Variants in FBL observed in about 807,000 individuals in gnomAD.
The protein encoded by FBL is rRNA 2'-O-methyltransferase fibrillarin.
Under a neutral mutation model 42.2 loss-of-function variants are expected in FBL, and 10 were observed. The observed-to-expected ratio is 0.24, with a 90% confidence interval of 0.15 to 0.40. The LOEUF (loss-of-function observed/expected upper bound fraction) is 0.40, where lower values mean the gene tolerates loss of function less well. Among genes scored for constraint, FBL ranks in the 10% least tolerant of loss-of-function variants. FBL has a pLI of 1.00. For synonymous variants in FBL, 165 were observed against 165.4 expected (o/e 1.00, Z 0.02); for missense variants, 351 against 439.2 (o/e 0.80, Z 1.79).
Position 39,839,158 on chromosome 19 carries a change from G to A in FBL, c.426C>T (p.Ser142=), listed in dbSNP as rs1294075582. The part of the protein sequence containing the change: ...IEYRAWNPFR[S]KLAAAILGGV... ...CACCCAGGATTGCTGCTGCTAGCTTGGAGCGGAAGGGGTTCCAGGCTCGGT... is the reference window on the plus strand; with the variant it reads ...CACCCAGGATTGCTGCTGCTAGCTTAGAGCGGAAGGGGTTCCAGGCTCGGT... Residue 142 remains serine (S), a synonymous_variant, in exon 5 of 9, where the codon TCC becomes TCT. Coordinates refer to ENST00000221801, the MANE Select transcript of FBL (RefSeq NM_001436.4). The A allele has an allele frequency of 6.2e-7, 1 of 1,613,888 alleles. No homozygotes were observed. The highest frequency in any genetic ancestry group is 1.1e-5 in the South Asian group (1 of 91,064).
intron 5 of FBL, 156 bp from the exon 6 acceptor site, chr19:39,837,999 A>C: frequency 1.7e-6 from 1 of 594,940 alleles, no homozygotes; most frequent in Non-Finnish European, 2.8e-6. Flanking sequence ...TTTCACATGA[A>C]TAAACTGAGG....
chr19:39,842,218 T>C (rs1443498833), intron 1 of FBL, among the ~76,000 whole-genome samples: 2 of 152,100 alleles, frequency 1.3e-5, no homozygotes, highest in Non-Finnish European at 2.9e-5. Flanking sequence ...CCCCAGTAGC[T>C]GGGACTACAG....
Position 39,836,602 on chromosome 19 carries a change from G to T in FBL, c.749C>A (p.Ala250Asp), listed in dbSNP as rs1406793758. The change falls in exon 7 of 9, where the codon GCC (alanine) becomes GAC (aspartate). Residue 250 changes from alanine (A) to aspartate (D), a missense_variant. Coordinates refer to ENST00000221801, the MANE Select transcript of FBL (RefSeq NM_001436.4). ...PDQTRIVALN[A>D]HTFLRNGGHF... ...TCCTCCATTACGCAGGAAGGTGTGG[G>T]CATTCAGGGCCACAATCCGGGTCTG... 2 of 1,613,936 alleles carry T rather than the reference G, an allele frequency of 1.2e-6. No homozygotes were observed. Among genetic ancestry groups the T allele is most frequent in the African/African-American group, 2.7e-5 (2 of 74,910 alleles).
chr19:39,834,535 A>G lies in FBL; in HGVS notation c.*3T>C, dbSNP rs200344075. On this transcript the variant is annotated 3_prime_UTR_variant, in exon 9 of 9. Transcript: ENST00000221801. The stretch of plus-strand genomic sequence containing the variant: ...TCTCTCGCAATCCTGACAGCGCTGA[A>G]CTTCAGTTCTTCACCTTGGGGGGTG... 6.2e-7 allele frequency: 1 copy of G among 1,614,128 alleles called. No homozygotes were observed. Among genetic ancestry groups the G allele is most frequent in the Non-Finnish European group, 8.5e-7 (1 of 1,180,008 alleles).
intron 5 of FBL, 89 bp downstream of exon 5, chr19:39,838,946 C>T (rs1230513860): frequency 1.2e-5 from 15 of 1,211,448 alleles, no homozygotes; most frequent in Middle Eastern, 2.0e-4. Context: ...AGTCACACAG[C>T]GCAGGCAAGC....
At chr19:39,836,074 TA>T (rs774083354) in intron 7 of FBL, among the ~76,000 whole-genome samples, 38 of 152,300 alleles carry the variant, frequency 2.5e-4, no homozygotes, top group Non-Finnish European at 4.3e-4. Context: ...ATAATAGTAA[TA>T]ATGCAGTTGA....
chr19:39,846,352 G>T lies in FBL; in HGVS notation c.-52C>A. 6.2e-7 allele frequency: 1 copy of T among 1,608,792 alleles called. No homozygotes were observed. Among genetic ancestry groups the T allele is most frequent in the Non-Finnish European group, 8.5e-7 (1 of 1,177,568 alleles). On this transcript the variant is annotated 5_prime_UTR_variant, in exon 1 of 9. Transcript: ENST00000221801. ...GAGTCCGCGGCGTTCACAACTCCAC[G>T]AGTCCGGGGCTTTCGCACGTGGAAA... is the stretch of plus-strand genomic sequence containing the variant.
chr19:39,837,633 A>T (rs1969075350), intron 6 of FBL, 78 bp downstream of exon 6: 5 of 1,332,448 alleles, frequency 3.8e-6, no homozygotes, highest in Non-Finnish European at 5.1e-6. Flanking sequence ...CTCCATCCGA[A>T]TCAGAGATCC....
At chr19:39,834,964 T>C in intron 7 of FBL, 151 bp from the exon 8 acceptor site, 3 of 813,902 alleles carry the variant, frequency 3.7e-6, no homozygotes, top group Non-Finnish European at 5.7e-6. Flanking sequence ...GTTGGAAACG[T>C]AACCCTTAAA....
At chr19:39,836,967 C>T (rs1217487064) in intron 6 of FBL, among the ~76,000 whole-genome samples, 1 of 152,216 alleles carries the variant, frequency 6.6e-6, no homozygotes, top group Non-Finnish European at 1.5e-5. Flanking sequence ...TCGAGACGCT[C>T]CCAGGTCTGG....
At chr19:39,838,974 C>T (rs778811202) in intron 5 of FBL, 61 bp downstream of exon 5, 11 of 1,476,890 alleles carry the variant, frequency 7.4e-6, no homozygotes, top group Admixed American at 1.9e-5. Flanking sequence ...CCCTGATATT[C>T]CAGGTTGGCA....
chr19:39,839,316 A>G (rs1036472477), intron 4 of FBL, 111 bp from the exon 5 acceptor site: 1 of 818,246 alleles, frequency 1.2e-6, no homozygotes, highest in African/African-American at 1.7e-5. Context: ...CTGCACAAGA[A>G]CTCAACATGA....
intron 1 of FBL, among the ~76,000 whole-genome samples, chr19:39,842,394 G>A (rs1969179148): frequency 6.6e-6 from 1 of 152,134 alleles, no homozygotes; most frequent in South Asian, 2.1e-4. Flanking sequence ...CCTTGCTCAT[G>A]TTTTTTGTAA....
intron 1 of FBL, among the ~76,000 whole-genome samples, chr19:39,842,031 A>G (rs1310411517): frequency 6.6e-6 from 1 of 152,148 alleles, no homozygotes; most frequent in Non-Finnish European, 1.5e-5. Flanking sequence ...TTGGAAAACT[A>G]GTGGTTTAAA....
chr19:39,842,224 T>C (rs1194217916), intron 1 of FBL, among the ~76,000 whole-genome samples: 2 of 152,124 alleles, frequency 1.3e-5, no homozygotes, highest in Non-Finnish European at 2.9e-5. Context: ...TAGCTGGGAC[T>C]ACAGGCGCCC....
At position 39,834,816 on chromosome 19, in the gene FBL, A is replaced by G. The variant is rs879072810; in HGVS notation, c.796-3T>C. ...GCTGTGGAGTCAATGCAGTTGGCCT[A>G]AAGAGGAGAAAGGACTAATGTCTAC... On this transcript the variant is annotated splice_region_variant and splice_polypyrimidine_tract_variant and intron_variant, in intron 7 of 8. Coordinates refer to ENST00000221801, the MANE Select transcript of FBL (RefSeq NM_001436.4). The G allele has an allele frequency of 6.2e-7, 1 of 1,614,030 alleles. No homozygotes were observed. Among genetic ancestry groups the G allele is most frequent in the African/African-American group, 1.3e-5 (1 of 74,928 alleles).
intron 1 of FBL, among the ~76,000 whole-genome samples, chr19:39,841,587 G>A (rs868543654): frequency 2.0e-5 from 3 of 152,298 alleles, no homozygotes; most frequent in Middle Eastern, 3.4e-3. Context: ...AGCACATGCT[G>A]TGACAACAGG....
chr19:39,839,753 C>T (rs1056923981), intron 4 of FBL, among the ~76,000 whole-genome samples: 2 of 152,084 alleles, frequency 1.3e-5, no homozygotes, highest in South Asian at 2.1e-4. Context: ...GACATTCCCA[C>T]GAGAGGGAGA....
At chr19:39,846,005 T>C (rs568608412) in intron 1 of FBL, among the ~76,000 whole-genome samples, 38 of 152,320 alleles carry the variant, frequency 2.5e-4, no homozygotes, top group Admixed American at 2.6e-4. Context: ...TGCCGCCTCC[T>C]GCCCAATATC....
Sources: allele counts gnomAD v4.1 joint callset (sites outside exome capture counted in the v4.1 genomes callset), GRCh38; gene constraint gnomAD v4.1.1; transcripts MANE v1.5; gene names NCBI Gene and HGNC (gene_info 2026-07-23, HGNC 2026-07-21).